Variants in EYS observed in about 807,000 individuals in gnomAD.
EYS encodes the protein EGF-like photoreceptor maintenance factor.
EYS carries 250 observed loss-of-function variants against 282.1 expected under a neutral mutation model. The observed-to-expected ratio is 0.89, with a 90% confidence interval of 0.80 to 0.98. The LOEUF is 0.98. Ranked by LOEUF, EYS falls within the 50% of genes least tolerant of loss-of-function variation. EYS has a pLI of 0.00. For synonymous variants in EYS, 1,355 were observed against 1,282.9 expected, an observed-to-expected ratio of 1.06 and a Z score of -1.20; for missense variants, 4,016 against 3,709.0, an observed-to-expected ratio of 1.08 and a Z score of -2.15.
In EYS at chr6:63,911,648, G is replaced by A. The variant is rs549867122; in HGVS notation, c.7056-47290C>T. Among the ~76,000 whole-genome samples the A allele has an allele frequency of 2.6e-5, 4 of 152,226 alleles. No individual in the cohort carries two copies. In the South Asian group the frequency reaches 8.3e-4, roughly 32 times the overall value. On this transcript the variant is annotated intron_variant, in intron 35 of 42. Coordinates refer to ENST00000503581, the MANE Select transcript of EYS (RefSeq NM_001142800.2). ...GGGTCATTCCTTGTTAGATATTATG[G>A]TCTCCTTTTTTCTTTCTTCATCTAA...
intron 5 of EYS, among the ~76,000 whole-genome samples, chr6:65,433,786 A>G (rs1242981969): frequency 6.6e-6 from 1 of 152,214 alleles, no homozygotes; most frequent in African/African-American, 2.4e-5. Flanking sequence ...TTTTTATTTT[A>G]CTTGATCACG....
chr6:64,413,949 A>G (rs769224525), intron 28 of EYS, among the ~76,000 whole-genome samples: 2 of 152,170 alleles, frequency 1.3e-5, no homozygotes, highest in Non-Finnish European at 1.5e-5. Context: ...CACCTTCTCC[A>G]CCACATAAGG....
intron 26 of EYS, among the ~76,000 whole-genome samples, chr6:64,541,706 T>A (rs1764699578): frequency 6.6e-6 from 1 of 152,258 alleles, no homozygotes; most frequent in Non-Finnish European, 1.5e-5. Context: ...CCATTTCTGC[T>A]ATTTATTACC....
chr6:64,281,896 A>G (rs952425629), intron 30 of EYS, among the ~76,000 whole-genome samples: 1 of 152,162 alleles, frequency 6.6e-6, no homozygotes, highest in Non-Finnish European at 1.5e-5. Context: ...ATAATCCTGA[A>G]CTAAGGCACT....
intron 22 of EYS, among the ~76,000 whole-genome samples, chr6:64,644,016 G>A (rs1768265027): frequency 6.6e-6 from 1 of 152,140 alleles, no homozygotes; most frequent in African/African-American, 2.4e-5. Flanking sequence ...CTGTAATTTT[G>A]TTTGCTTTGG....
chr6:64,711,439 G>A (rs926674749), intron 22 of EYS, among the ~76,000 whole-genome samples: 1 of 152,066 alleles, frequency 6.6e-6, no homozygotes, highest in African/African-American at 2.4e-5. Flanking sequence ...ACTAAGAATT[G>A]CAATTCAATA....
chr6:64,597,942 T>C (rs1766639436), intron 24 of EYS, among the ~76,000 whole-genome samples: 1 of 149,934 alleles, frequency 6.7e-6, no homozygotes, highest in South Asian at 2.1e-4. Flanking sequence ...CTAATTACCC[T>C]GATTTTATCA....
chr6:65,335,183 C>T (rs1264647467), intron 10 of EYS, 37 bp from the exon 11 acceptor site: 2 of 1,413,252 alleles, frequency 1.4e-6, no homozygotes, highest in African/African-American at 1.4e-5. Flanking sequence ...TTATGAATTC[C>T]CATCACTTAC....
At chr6:65,336,984 C>T (rs1358231959) in intron 10 of EYS, among the ~76,000 whole-genome samples, 1 of 151,378 alleles carries the variant, frequency 6.6e-6, no homozygotes, top group African/African-American at 2.4e-5. Flanking sequence ...AAAATCATTT[C>T]TCTGCATATT....
At chr6:64,519,048 A>G (rs1777650568) in intron 26 of EYS, among the ~76,000 whole-genome samples, 2 of 151,888 alleles carry the variant, frequency 1.3e-5, no homozygotes, top group Non-Finnish European at 2.9e-5. Flanking sequence ...ACTGAAGCAC[A>G]TGTACTTTAG....
In EYS at chr6:65,192,313, G is replaced by A. The variant is rs796112225; in HGVS notation, c.2023+103550C>T. Among the ~76,000 whole-genome samples, 5 of 151,284 alleles carry A rather than the reference G, an allele frequency of 3.3e-5. No individual in the cohort carries two copies. The East Asian group carries it at 7.8e-4, about 24-fold the overall frequency. On this transcript the variant is annotated intron_variant, in intron 12 of 42. Coordinates refer to ENST00000503581, the MANE Select transcript of EYS (RefSeq NM_001142800.2). ...CTACTCTGTGTGTGTGTGTGTGTGT[G>A]TGTGTGTGTGTGTGTATAATGTGTG...
Position 65,276,860 on chromosome 6 carries a change from G to A in EYS, c.2023+19003C>T, listed in dbSNP as rs558661703. Among the ~76,000 whole-genome samples, 5 of 152,182 alleles carry A rather than the reference G, an allele frequency of 3.3e-5. No individual in the cohort carries two copies. The South Asian group carries it at 1.0e-3, about 32-fold the overall frequency. On this transcript the variant is annotated intron_variant, in intron 12 of 42. Transcript: ENST00000503581. ...AAAAAGATAACTGTAATTGACATGA[G>A]CATTTCCTTCTTATTTTGGTATAAA...
chr6:63,777,960 A>C (rs1318163969), intron 40 of EYS, 46 bp downstream of exon 40: 2 of 1,492,070 alleles, frequency 1.3e-6, no homozygotes, highest in African/African-American at 2.8e-5. Context: ...TACCAGTTAG[A>C]GTGCAAACAA....
chr6:64,682,905 G>T (rs957591773), intron 22 of EYS, among the ~76,000 whole-genome samples: 1 of 152,142 alleles, frequency 6.6e-6, no homozygotes, highest in African/African-American at 2.4e-5. Flanking sequence ...CAAGAATTGA[G>T]GTTGCTTCCT....
chr6:65,187,974 A>G (rs192634391), intron 12 of EYS, among the ~76,000 whole-genome samples: 7 of 151,812 alleles, frequency 4.6e-5, no homozygotes, highest in Admixed American at 2.6e-4. Context: ...TTCTTAAGAC[A>G]TTAGAGTAGC....
At chr6:65,174,270 T>TGGCC in intron 12 of EYS, among the ~76,000 whole-genome samples, 1 of 151,340 alleles carries the variant, frequency 6.6e-6, no homozygotes, top group East Asian at 2.0e-4. Flanking sequence ...GCTGTAAATA[T>TGGCC]GGCCTAGAAC....
At chr6:64,456,203 A>G (rs932080859) in intron 26 of EYS, among the ~76,000 whole-genome samples, 1 of 152,110 alleles carries the variant, frequency 6.6e-6, no homozygotes, top group African/African-American at 2.4e-5. Flanking sequence ...AAAATTGTGG[A>G]TTTCACACAT....
At chr6:65,083,947 G>A (rs1388054176) in intron 12 of EYS, among the ~76,000 whole-genome samples, 3 of 151,458 alleles carry the variant, frequency 2.0e-5, no homozygotes, top group Non-Finnish European at 4.4e-5. Context: ...ATGTTCATAT[G>A]TACCAGAAAT....
At position 65,507,289 on chromosome 6, in the gene EYS, C is replaced by T. The variant is rs557503202; in HGVS notation, c.-332-11296G>A. Among the ~76,000 whole-genome samples the T allele has an allele frequency of 3.9e-5, 6 of 152,252 alleles. No homozygotes were observed. The East Asian group carries it at 1.2e-3, about 29-fold the overall frequency. On this transcript the variant is annotated intron_variant, in intron 2 of 42. Coordinates refer to ENST00000503581, the MANE Select transcript of EYS (RefSeq NM_001142800.2). ...TTCTGATAAGAGGTGGGCTGTAATTCTGATCCTTGTTCCTGTATAGAAAAA... is the reference window on the plus strand; with the variant it reads ...TTCTGATAAGAGGTGGGCTGTAATTTTGATCCTTGTTCCTGTATAGAAAAA...
Sources: allele counts gnomAD v4.1 joint callset (sites outside exome capture counted in the v4.1 genomes callset), GRCh38; gene constraint gnomAD v4.1.1; transcripts MANE v1.5; gene names NCBI Gene and HGNC (gene_info 2026-07-23, HGNC 2026-07-21).